SHISA6: variants seen among roughly 807,000 people sequenced by gnomAD.
SHISA6 encodes protein shisa-6.
Under a neutral mutation model 47.9 loss-of-function variants are expected in SHISA6, and 22 were observed. The observed-to-expected ratio is 0.46, with a 90% confidence interval of 0.33 to 0.66. The LOEUF is 0.66. Ranked by LOEUF, SHISA6 falls within the 30% of genes least tolerant of loss-of-function variation. The pLI, the probability that SHISA6 is intolerant of heterozygous loss-of-function variation, is 0.02. For synonymous variants in SHISA6, 388 were observed against 337.8 expected (o/e 1.15, Z -1.63); for missense variants, 680 against 764.6 (o/e 0.89, Z 1.30).
At chr17:11,430,072 A>C (rs553192220) in intron 3 of SHISA6, among the ~76,000 whole-genome samples, 4 of 152,322 alleles carry the variant, frequency 2.6e-5, no homozygotes, top group Admixed American at 2.6e-4. Flanking sequence ...CACTTTTGAG[A>C]TGAGGAAACT....
At chr17:11,492,492 T>A (rs1186488348) in intron 3 of SHISA6, among the ~76,000 whole-genome samples, 1 of 152,178 alleles carries the variant, frequency 6.6e-6, no homozygotes, top group Non-Finnish European at 1.5e-5. Flanking sequence ...TCATTTAATT[T>A]CTCTAAGCCC....
chr17:11,465,414 C>T (rs1320820774), intron 3 of SHISA6, among the ~76,000 whole-genome samples: 2 of 152,134 alleles, frequency 1.3e-5, no homozygotes, highest in African/African-American at 4.8e-5. Flanking sequence ...CCACATGAAG[C>T]ATTTTTGTTT....
chr17:11,318,165 C>T (rs2142193493), intron 2 of SHISA6, among the ~76,000 whole-genome samples: 1 of 152,186 alleles, frequency 6.6e-6, no homozygotes, highest in Admixed American at 6.5e-5. Context: ...TTCCTTAGCA[C>T]ATTGAAATTA....
chr17:11,400,112 T>C (rs542163845), intron 3 of SHISA6, among the ~76,000 whole-genome samples: 1 of 152,314 alleles, frequency 6.6e-6, no homozygotes, highest in East Asian at 1.9e-4. Flanking sequence ...GTTAAACCTC[T>C]ACTATTCTCT....
intron 3 of SHISA6, among the ~76,000 whole-genome samples, chr17:11,542,334 GAAA>G (rs5819321): frequency 8.1e-6 from 1 of 122,862 alleles, no homozygotes; most frequent in Non-Finnish European, 1.9e-5. Flanking sequence ...AGTGCTACAA[GAAA>G]AAAAAAAAAA....
At chr17:11,433,314 T>C (rs569771437) in intron 3 of SHISA6, among the ~76,000 whole-genome samples, 31 of 152,118 alleles carry the variant, frequency 2.0e-4, no homozygotes, top group Non-Finnish European at 4.0e-4. Flanking sequence ...CTCCCACTTA[T>C]GAGTGAGGAC....
chr17:11,539,912 G>A (rs2071818968), intron 3 of SHISA6, among the ~76,000 whole-genome samples: 1 of 152,224 alleles, frequency 6.6e-6, no homozygotes, highest in African/African-American at 2.4e-5. Context: ...GATATGATCA[G>A]TTGATAAGTC....
intron 3 of SHISA6, among the ~76,000 whole-genome samples, chr17:11,496,406 T>C (rs2071409172): frequency 6.6e-6 from 1 of 152,184 alleles, no homozygotes; most frequent in South Asian, 2.1e-4. Context: ...ACTGTGAAGC[T>C]TAGGGTTTAC....
intron 3 of SHISA6, among the ~76,000 whole-genome samples, chr17:11,426,654 A>T (rs535997384): frequency 3.3e-5 from 5 of 152,374 alleles, no homozygotes; most frequent in African/African-American, 1.2e-4. Context: ...ACCACTCTCA[A>T]AACTTAATAC....
At chr17:11,484,577 T>G (rs1446651454) in intron 3 of SHISA6, among the ~76,000 whole-genome samples, 1 of 152,060 alleles carries the variant, frequency 6.6e-6, no homozygotes, top group Non-Finnish European at 1.5e-5. Context: ...ATTTTTGTAG[T>G]TTTAGTAAAG....
At chr17:11,290,885 A>G (rs1469953163) in intron 2 of SHISA6, 1 of 152,076 alleles carries the variant, frequency 6.6e-6, no homozygotes, top group Middle Eastern at 3.2e-3. Context: ...CAGGGGATGC[A>G]TTCTCATCCC....
chr17:11,386,491 T>C (rs1176191811), intron 3 of SHISA6, among the ~76,000 whole-genome samples: 4 of 152,178 alleles, frequency 2.6e-5, no homozygotes, highest in Non-Finnish European at 5.9e-5. Context: ...TTAAGGATTA[T>C]AGAGAATGAG....
chr17:11,297,145 A>G (rs956012358), intron 2 of SHISA6, among the ~76,000 whole-genome samples: 2 of 152,060 alleles, frequency 1.3e-5, no homozygotes, highest in Non-Finnish European at 2.9e-5. Flanking sequence ...TCAAGAACGT[A>G]CCTCTTATAG....
intron 2 of SHISA6, among the ~76,000 whole-genome samples, chr17:11,275,359 G>A (rs1567557607): frequency 6.6e-6 from 1 of 152,048 alleles, no homozygotes; most frequent in Non-Finnish European, 1.5e-5. Flanking sequence ...GGAGATGTGA[G>A]GAGCATAGTT....
intron 3 of SHISA6, among the ~76,000 whole-genome samples, chr17:11,532,097 CAG>C (rs1380056624): frequency 4.6e-5 from 7 of 152,068 alleles, no homozygotes; most frequent in Admixed American, 2.0e-4. Context: ...TGATGTAGAA[CAG>C]AAAATTTCAT....
chr17:11,369,917 A>G (rs1002251840), intron 2 of SHISA6, among the ~76,000 whole-genome samples: 1 of 152,326 alleles, frequency 6.6e-6, no homozygotes, highest in Admixed American at 6.5e-5. Context: ...GTGGGCTGCT[A>G]GGCACATTGA....
At chr17:11,246,613 C>T (rs1447307714) in intron 1 of SHISA6, among the ~76,000 whole-genome samples, 2 of 152,078 alleles carry the variant, frequency 1.3e-5, no homozygotes, top group Non-Finnish European at 2.9e-5. Context: ...GCAAAAATAG[C>T]GAAAGGAGGA....
intron 3 of SHISA6, among the ~76,000 whole-genome samples, chr17:11,436,481 T>C (rs943702308): frequency 5.3e-4 from 80 of 152,324 alleles, no homozygotes; most frequent in African/African-American, 1.8e-3. Flanking sequence ...CACAACTACT[T>C]ATGGATTTCT....
Position 11,491,204 on chromosome 17 carries a change from T to C in SHISA6, c.896-60692T>C, listed in dbSNP as rs1233455030. Among the ~76,000 whole-genome samples, 3 of 152,172 alleles carry C rather than the reference T, an allele frequency of 2.0e-5. No individual in the cohort carries two copies. In the East Asian group the frequency reaches 5.8e-4, roughly 29 times the overall value. ...CTGAATGACCTGGAGGGGAGTCATA[T>C]TGTCAACAGAACGGACCAGGAAAGC... On this transcript the variant is annotated intron_variant, in intron 3 of 5. Coordinates refer to ENST00000441885, the MANE Select transcript of SHISA6 (RefSeq NM_207386.4).
Sources: allele counts gnomAD v4.1 joint callset (sites outside exome capture counted in the v4.1 genomes callset), GRCh38; gene constraint gnomAD v4.1.1; transcripts MANE v1.5; gene names NCBI Gene and HGNC (gene_info 2026-07-23, HGNC 2026-07-21).